PDZD2: variants seen among roughly 807,000 people sequenced by gnomAD.
The protein encoded by PDZD2 is PDZ domain containing 2, also known as PDZ domain-containing protein 2.
PDZD2 carries 90 observed loss-of-function variants against 220.7 expected under a neutral mutation model. The observed-to-expected ratio is 0.41, with a 90% CI of 0.34 to 0.49. The LOEUF (loss-of-function observed/expected upper bound fraction) is 0.49. Ranked by LOEUF, PDZD2 falls within the 20% of genes least tolerant of loss-of-function variation. The probability of loss-of-function intolerance (pLI) is 0.28; values close to 1 mark genes in which losing one functional copy is unlikely to be tolerated. For missense variants in PDZD2, 3,174 were observed against 3,608.5 expected, an observed-to-expected ratio of 0.88 and a Z score of 3.08; for synonymous variants, 1,375 against 1,450.5, an observed-to-expected ratio of 0.95 and a Z score of 1.18.
intron 2 of PDZD2, chr5:31,848,046 A>G: frequency 2.7e-6 from 1 of 369,048 alleles, no homozygotes; most frequent in Admixed American, 3.2e-5. Context: ...AAAGAAGTTG[A>G]AAAGCAGAGG....
In PDZD2 at chr5:32,088,693, A is replaced by G; in HGVS notation, c.5245A>G (p.Thr1749Ala). ...LDDETLNQYETSINAAASLSS... is the reference protein window; with the variant it reads ...LDDETLNQYEASINAAASLSS... ...TGACGAAACCCTGAATCAATACGAA[A>G]CAAGCATTAATGCAGCTGCCAGTCT... The change falls in exon 20 of 25, where the codon ACA becomes GCA. Residue 1749 changes from threonine (T) to alanine (A), a missense_variant. Coordinates refer to ENST00000438447, the MANE Select transcript of PDZD2 (RefSeq NM_178140.4). The surrounding 1 kb of genome is among the most constrained non-coding windows in gnomAD (Gnocchi z 4.6). The G allele has an allele frequency of 5.6e-6, 9 of 1,614,022 alleles. No individual in the cohort carries two copies. The highest frequency in any genetic ancestry group is 7.6e-6 in the Non-Finnish European group (9 of 1,179,926).
At chr5:31,999,143 G>A (rs1751886666) in intron 4 of PDZD2, among the ~76,000 whole-genome samples, 1 of 151,808 alleles carries the variant, frequency 6.6e-6, no homozygotes, top group Non-Finnish European at 1.5e-5. Context: ...TAATTTAAGG[G>A]AAAGAAACAG....
chr5:31,905,290 G>T (rs1257635777), intron 2 of PDZD2, among the ~76,000 whole-genome samples: 1 of 152,124 alleles, frequency 6.6e-6, no homozygotes, highest in East Asian at 1.9e-4. Context: ...GGCCAAATTT[G>T]TGTTTTGATC....
chr5:31,923,214 G>T (rs974329451), intron 2 of PDZD2, among the ~76,000 whole-genome samples: 1 of 152,156 alleles, frequency 6.6e-6, no homozygotes, highest in African/African-American at 2.4e-5. Context: ...AGTGAGCTGA[G>T]ATCGTGCCAT....
At chr5:31,818,964 T>C (rs1450958379) in intron 2 of PDZD2, among the ~76,000 whole-genome samples, 1 of 152,222 alleles carries the variant, frequency 6.6e-6, no homozygotes, top group Non-Finnish European at 1.5e-5. Context: ...ATTCTTTTCA[T>C]TGGAAAAGAT....
intron 6 of PDZD2, among the ~76,000 whole-genome samples, chr5:32,025,036 C>T (rs1318447931): frequency 1.3e-5 from 2 of 152,226 alleles, no homozygotes; most frequent in Non-Finnish European, 2.9e-5. Flanking sequence ...CCTGTGGGCT[C>T]ACCAGCATCT....
At chr5:31,885,768 A>G (rs937302700) in intron 2 of PDZD2, among the ~76,000 whole-genome samples, 1 of 152,206 alleles carries the variant, frequency 6.6e-6, no homozygotes, top group African/African-American at 2.4e-5. Context: ...CGAATATAGC[A>G]TTAGATAAAT....
chr5:31,824,614 T>G (rs146584750), intron 2 of PDZD2, among the ~76,000 whole-genome samples: 1,583 of 152,132 alleles, frequency 0.01, 26 homozygotes, highest in African/African-American at 0.036. Context: ...TGACTGGGTG[T>G]TCACGGCCGT....
chr5:32,027,276 C>T (rs553488457), intron 6 of PDZD2, among the ~76,000 whole-genome samples: 37 of 152,330 alleles, frequency 2.4e-4, no homozygotes, highest in African/African-American at 8.4e-4. Flanking sequence ...CACATACAAA[C>T]CCACTGCAAG....
intron 6 of PDZD2, among the ~76,000 whole-genome samples, chr5:32,014,542 G>A (rs1318897694): frequency 2.6e-5 from 4 of 152,010 alleles, no homozygotes; most frequent in Admixed American, 6.6e-5. Flanking sequence ...CGTCTGCCAC[G>A]ACTCACCCCC....
chr5:31,963,748 T>A (rs765998021), intron 2 of PDZD2, among the ~76,000 whole-genome samples: 3 of 152,220 alleles, frequency 2.0e-5, no homozygotes, highest in Non-Finnish European at 2.9e-5. Flanking sequence ...AACATTGGTC[T>A]GTATTTTGAA....
Position 32,048,544 on chromosome 5 carries a change from G to T in PDZD2, c.1525G>T (p.Val509Leu), listed in dbSNP as rs776675324. ...IKLKSRLSGG[V>L]HRLESVEEYN... ...TTCTCCTCTGTTTTCTCAAGGGGGT[G>T]TACACCGCCTTGAGTCAGTTGAAGA... Residue 509 changes from valine (V) to leucine (L), a missense_variant, in exon 8 of 25, where the codon GTA becomes TTA. By Grantham distance (32) the Val-to-Leu change is conservative (BLOSUM62 1). This residue lies in a region of PDZD2 where 632 missense variants were observed against 708.1 expected (regional missense o/e 0.89). Coordinates refer to ENST00000438447, the MANE Select transcript of PDZD2 (RefSeq NM_178140.4). The T allele has an allele frequency of 3.3e-5, 54 of 1,613,404 alleles. No individual in the cohort carries two copies. In the Admixed American group the frequency reaches 4.2e-4, roughly 12 times the overall value.
At chr5:31,843,127 C>T (rs544909596) in intron 2 of PDZD2, among the ~76,000 whole-genome samples, 26 of 152,178 alleles carry the variant, frequency 1.7e-4, no homozygotes, top group African/African-American at 4.1e-4. Flanking sequence ...GTGATCCACC[C>T]GCCTTGGCCT....
At chr5:31,854,276 C>A (rs1758233308) in intron 2 of PDZD2, among the ~76,000 whole-genome samples, 2 of 152,226 alleles carry the variant, frequency 1.3e-5, no homozygotes, top group South Asian at 2.1e-4. Context: ...GGAGCGATGG[C>A]TGCAGGGCCC....
Position 31,711,704 on chromosome 5 carries a change from G to A in PDZD2, c.-361+72267G>A, listed in dbSNP as rs551363612. Among the ~76,000 whole-genome samples, 3 of 152,260 alleles carry A rather than the reference G, an allele frequency of 2.0e-5. No homozygotes were observed. In the South Asian group the frequency reaches 6.2e-4, roughly 32 times the overall value. ...CTATAAAATGAGCCAGATGGAACCT[G>A]TGAAGTGTAGGGCCATGGCAAACTT... On this transcript the variant is annotated intron_variant, in intron 1 of 24. Coordinates refer to ENST00000438447, the MANE Select transcript of PDZD2 (RefSeq NM_178140.4).
chr5:31,673,864 G>A (rs1185568925), intron 1 of PDZD2, among the ~76,000 whole-genome samples: 5 of 152,098 alleles, frequency 3.3e-5, no homozygotes, highest in African/African-American at 7.2e-5. Context: ...CCAGCTACTC[G>A]GGAGGCTGAG....
At chr5:31,774,329 G>A (rs1328764975) in intron 1 of PDZD2, among the ~76,000 whole-genome samples, 1 of 152,082 alleles carries the variant, frequency 6.6e-6, no homozygotes, top group East Asian at 1.9e-4. Flanking sequence ...GAGCTCAGAA[G>A]GGAAAGAAAC....
At chr5:31,849,180 A>G (rs1183799216) in intron 2 of PDZD2, among the ~76,000 whole-genome samples, 4 of 152,146 alleles carry the variant, frequency 2.6e-5, no homozygotes, top group Admixed American at 6.5e-5. Flanking sequence ...TTCTTTTTGC[A>G]GTGTTTCCTC....
At chr5:32,022,945 T>C (rs1754338823) in intron 6 of PDZD2, among the ~76,000 whole-genome samples, 1 of 151,892 alleles carries the variant, frequency 6.6e-6, no homozygotes, top group Admixed American at 6.6e-5. Flanking sequence ...GGTGAAAAGA[T>C]GGATTTGGAG....
Sources: allele counts gnomAD v4.1 joint callset (sites outside exome capture counted in the v4.1 genomes callset), GRCh38; gene constraint gnomAD v4.1.1; regional missense constraint gnomAD v4.1.1; non-coding constraint Gnocchi (gnomAD v3.1); transcripts MANE v1.5; gene names NCBI Gene and HGNC (gene_info 2026-07-23, HGNC 2026-07-21).